Variants in GPHN observed in about 807,000 individuals in gnomAD.
GPHN encodes the protein gephyrin.
Under a neutral mutation model 95.5 loss-of-function variants are expected in GPHN, and 17 were observed. The ratio of observed to expected loss-of-function variants is 0.18; its 90% CI spans 0.12 to 0.27. The LOEUF (loss-of-function observed/expected upper bound fraction) is 0.27, where lower values mean the gene tolerates loss of function less well. GPHN is among the 10% of genes least tolerant of loss of function. The pLI, the probability that GPHN is intolerant of heterozygous loss-of-function variation, is 1.00. For synonymous variants in GPHN, 320 were observed against 322.5 expected (o/e 0.99, Z 0.08); for missense variants, 660 against 978.1 (o/e 0.67, Z 4.34).
At chr14:66,777,856 C>A (rs1252152232) in intron 3 of GPHN, among the ~76,000 whole-genome samples, 2 of 152,138 alleles carry the variant, frequency 1.3e-5, no homozygotes, top group Non-Finnish European at 2.9e-5. Context: ...GACAAACCAA[C>A]AGCCAATATC....
At chr14:67,513,128 A>G in the GPHN span, among the ~76,000 whole-genome samples, 53,029 of 152,004 alleles carry the variant, frequency 0.35, 10,114 homozygotes, top group East Asian at 0.43. Flanking sequence ...GAGAGTATCA[A>G]TTTCCCATCT....
chr14:66,613,308 G>A (rs2062862775), intron 1 of GPHN, among the ~76,000 whole-genome samples: 1 of 152,028 alleles, frequency 6.6e-6, no homozygotes, highest in Non-Finnish European at 1.5e-5. Flanking sequence ...TATCTAAAAT[G>A]TATTTTCTCC....
chr14:66,948,346 C>T (rs2067882656), intron 8 of GPHN, among the ~76,000 whole-genome samples: 1 of 151,932 alleles, frequency 6.6e-6, no homozygotes, highest in African/African-American at 2.4e-5. Context: ...TAAAAAAGAT[C>T]TCTTGATAGT....
At chr14:67,598,855 G>A in the GPHN span, among the ~76,000 whole-genome samples, 2 of 151,790 alleles carry the variant, frequency 1.3e-5, no homozygotes, top group Non-Finnish European at 2.9e-5. Context: ...GACTACAAGC[G>A]TGCACCACCA....
the GPHN span, among the ~76,000 whole-genome samples, chr14:67,452,163 T>C: frequency 0.41 from 62,432 of 151,704 alleles, 13,829 homozygotes; most frequent in African/African-American, 0.58. Flanking sequence ...GAAACCCTGT[T>C]TCTACTAAAA....
At chr14:66,745,609 CAT>C in intron 2 of GPHN, among the ~76,000 whole-genome samples, 1 of 151,796 alleles carries the variant, frequency 6.6e-6, no homozygotes, top group East Asian at 1.9e-4. Context: ...TAGAATAATT[CAT>C]ATGTTAGCAA....
chr14:67,198,327 C>T, the GPHN span: 1 of 1,609,832 alleles, frequency 6.2e-7, no homozygotes, highest in Non-Finnish European at 8.5e-7. Flanking sequence ...CCAGGTAAAT[C>T]ATATTCAAGG....
chr14:66,897,090 G>A (rs1168007321), intron 5 of GPHN, among the ~76,000 whole-genome samples: 2 of 152,092 alleles, frequency 1.3e-5, no homozygotes, highest in Non-Finnish European at 2.9e-5. Flanking sequence ...AGATTGGCAT[G>A]CAGTATAAGG....
chr14:66,789,125 C>T (rs2059885066), intron 3 of GPHN, among the ~76,000 whole-genome samples: 1 of 152,202 alleles, frequency 6.6e-6, no homozygotes, highest in Non-Finnish European at 1.5e-5. Flanking sequence ...ACCCCTTTAA[C>T]TATCCAGTAT....
chr14:67,613,622 A>G, the GPHN span: 3 of 221,100 alleles, frequency 1.4e-5, no homozygotes, highest in South Asian at 2.5e-4. Context: ...TTACTGCAGG[A>G]AGTTTATCTG....
chr14:67,525,961 G>A, the GPHN span, among the ~76,000 whole-genome samples: 1 of 152,180 alleles, frequency 6.6e-6, no homozygotes, highest in Non-Finnish European at 1.5e-5. Context: ...AGAAACAGCA[G>A]CCCCGTGTCA....
intron 1 of GPHN, among the ~76,000 whole-genome samples, chr14:66,528,683 G>C (rs182028019): frequency 6.6e-6 from 1 of 152,174 alleles, no homozygotes; most frequent in Admixed American, 6.5e-5. Flanking sequence ...CAGCATTTGC[G>C]TGTCTGTAAA....
At chr14:67,103,222 T>C (rs1260641799) in intron 13 of GPHN, among the ~76,000 whole-genome samples, 2 of 152,186 alleles carry the variant, frequency 1.3e-5, no homozygotes, top group South Asian at 2.1e-4. Context: ...GGTCAATGTA[T>C]CTGTTTTGCT....
intron 1 of GPHN, among the ~76,000 whole-genome samples, chr14:66,644,427 C>G (rs1407719391): frequency 6.6e-6 from 1 of 152,024 alleles, no homozygotes; most frequent in Non-Finnish European, 1.5e-5. Context: ...AAACCTTTAT[C>G]TATGCCACCC....
chr14:67,205,390 T>A, the GPHN span, among the ~76,000 whole-genome samples: 1 of 152,112 alleles, frequency 6.6e-6, no homozygotes, highest in Non-Finnish European at 1.5e-5. Context: ...CTCATATTAC[T>A]TGTGTGACTT....
At chr14:67,309,363 A>T in the GPHN span, among the ~76,000 whole-genome samples, 1 of 152,234 alleles carries the variant, frequency 6.6e-6, no homozygotes, top group Admixed American at 6.5e-5. Context: ...ACTCATTCAA[A>T]TCATTAATTT....
intron 9 of GPHN, among the ~76,000 whole-genome samples, chr14:67,006,358 A>G (rs1330710946): frequency 6.6e-6 from 1 of 152,088 alleles, no homozygotes; most frequent in African/African-American, 2.4e-5. Context: ...ACCATTCTGC[A>G]CCCAGTATTG....
chr14:66,711,027 T>C (rs2069567556), intron 2 of GPHN, among the ~76,000 whole-genome samples: 1 of 152,226 alleles, frequency 6.6e-6, no homozygotes, highest in Admixed American at 6.5e-5. Context: ...TGTACAAATT[T>C]GTTTTTTTAT....
At chr14:66,893,953 G>A (rs975064785) in intron 5 of GPHN, among the ~76,000 whole-genome samples, 2 of 152,146 alleles carry the variant, frequency 1.3e-5, no homozygotes, top group African/African-American at 4.8e-5. Flanking sequence ...GTAATTTATA[G>A]ATTTAATGCC....
Sources: gnomAD v4.1 joint callset for allele counts (sites outside exome capture counted in the v4.1 genomes callset) on GRCh38, gnomAD v4.1.1 for gene constraint, MANE v1.5 for transcripts, NCBI Gene and HGNC (gene_info 2026-07-23, HGNC 2026-07-21) for gene names.